SMS: variants seen among roughly 807,000 people sequenced by gnomAD.
SMS encodes spermine synthase.
In SMS, 3 loss-of-function variants were observed where a neutral mutation model predicts 33.0. That is an observed-to-expected ratio of 0.09 (90% confidence interval 0.04 to 0.23). The LOEUF is 0.23. Ranked by LOEUF, SMS falls within the 10% of genes least tolerant of loss-of-function variation. The pLI, the probability that SMS is intolerant of heterozygous loss-of-function variation, is 1.00. For synonymous variants in SMS, 103 were observed against 112.2 expected, an observed-to-expected ratio of 0.92 and a Z score of 0.52; for missense variants, 117 against 288.6, an observed-to-expected ratio of 0.41 and a Z score of 4.31.
intron 8 of SMS, 130 bp downstream of exon 8, chrX:21,984,548 T>G: frequency 4.0e-6 from 2 of 505,480 alleles, no homozygotes; most frequent in East Asian, 3.8e-5. Flanking sequence ...AGGTCCATGG[T>G]GGAAAGATGA....
chrX:21,972,105 C>T (rs963079178), intron 3 of SMS, 115 bp downstream of exon 3: 3 of 558,279 alleles, frequency 5.4e-6, no homozygotes, highest in African/African-American at 4.6e-5. Flanking sequence ...AAACTTTCCT[C>T]CCTCCACATA....
At position 21,994,718 on chromosome X, in the gene SMS, G is replaced by T; in HGVS notation, c.*367G>T. ...AGGAGTGAACATCGTTGTTTTGCTGGAGGGAAGATCTTGATGGTGTTTCTT... is the reference window on the plus strand; with the variant it reads ...AGGAGTGAACATCGTTGTTTTGCTGTAGGGAAGATCTTGATGGTGTTTCTT... On this transcript the variant is annotated 3_prime_UTR_variant, in exon 11 of 11. Transcript: ENST00000404933. The T allele has an allele frequency of 1.3e-6, 1 of 785,233 alleles. No individual in the cohort carries two copies. The highest frequency in any genetic ancestry group is 1.5e-6 in the Non-Finnish European group (1 of 659,813). 64.7% of individuals were successfully genotyped at this position (785,233 alleles called of 1,213,427 possible).
At chrX:21,965,348 G>C (rs1307559831) in intron 1 of SMS, among the ~76,000 whole-genome samples, 1 of 110,936 alleles carries the variant, frequency 9.0e-6, no homozygotes. Flanking sequence ...TAAAAAGTCT[G>C]TGCAGGGACT....
intron 1 of SMS, among the ~76,000 whole-genome samples, chrX:21,941,899 A>AAAAAG (rs1921827606): frequency 1.2e-5 from 1 of 80,145 alleles, no homozygotes; most frequent in Non-Finnish European, 2.3e-5. Context: ...AAAAAAAAAA[A>AAAAAG]AAAAAAAAAA....
intron 1 of SMS, among the ~76,000 whole-genome samples, chrX:21,948,456 T>TTTTTTA (rs1922386343): frequency 1.9e-5 from 2 of 104,992 alleles, no homozygotes; most frequent in African/African-American, 7.0e-5. Flanking sequence ...TTTTTTTTTT[T>TTTTTTA]AAGAAAGTCA....
rs1237383279 is a variant in SMS at position 21,975,275 on chromosome X, T to C, written c.330-1786T>C. Among the ~76,000 whole-genome samples the C allele has an allele frequency of 2.7e-5, 3 of 111,346 alleles. No individual in the cohort carries two copies. The Admixed American group carries it at 2.9e-4, about 11-fold the overall frequency. On this transcript the variant is annotated intron_variant, in intron 4 of 10. Coordinates refer to ENST00000404933, the MANE Select transcript of SMS (RefSeq NM_004595.5). ...CTTTAATGCTAGGTTGAGCACTTCA[T>C]CAGGGTAATGGCATTTACATCCTGT...
At chrX:21,979,044 C>A in intron 7 of SMS, 78 bp downstream of exon 7, 1 of 701,420 alleles carries the variant, frequency 1.4e-6, no homozygotes, top group Non-Finnish European at 2.3e-6. Flanking sequence ...CTTATTAAAA[C>A]AGCTTTTAGT....
intron 9 of SMS, among the ~76,000 whole-genome samples, chrX:21,987,823 T>A (rs1042673214): frequency 8.9e-6 from 1 of 112,500 alleles, no homozygotes; most frequent in African/African-American, 3.2e-5. Flanking sequence ...TGTTGTCTAC[T>A]ACAGCCGAGT....
At chrX:21,943,006 AT>A (rs932822124) in intron 1 of SMS, among the ~76,000 whole-genome samples, 1 of 108,463 alleles carries the variant, frequency 9.2e-6, no homozygotes, top group African/African-American at 3.4e-5. Context: ...CGCCCAGCTA[AT>A]TTTTTTTGTT....
Position 21,985,914 on chromosome X carries a change from T to G in SMS, c.945+691T>G, listed in dbSNP as rs767312547. Among the ~76,000 whole-genome samples the G allele has an allele frequency of 4.5e-5, 5 of 111,184 alleles. No individual in the cohort carries two copies. The East Asian group carries it at 1.4e-3, about 31-fold the overall frequency. On this transcript the variant is annotated intron_variant, in intron 9 of 10. Coordinates refer to ENST00000404933, the MANE Select transcript of SMS (RefSeq NM_004595.5). ...TGGTGCATGCCTGTAGTCCTAACTC[T>G]GGAGGCTGAGGTGGGAGGATTGTTT... is the stretch of plus-strand genomic sequence containing the variant.
chrX:21,988,377 T>G (rs73635589), intron 9 of SMS, among the ~76,000 whole-genome samples: 1,273 of 110,433 alleles, frequency 0.012, 15 homozygotes, highest in African/African-American at 0.04. Flanking sequence ...AGAACTGGAG[T>G]CAGGTTGGCC....
At chrX:21,971,344 A>T in intron 2 of SMS, among the ~76,000 whole-genome samples, 1 of 101,819 alleles carries the variant, frequency 9.8e-6, no homozygotes, top group East Asian at 2.9e-4. Context: ...TCACATTTTT[A>T]AAAATCTTTA....
chrX:21,988,508 AC>A (rs1925515005), intron 9 of SMS, among the ~76,000 whole-genome samples: 1 of 108,916 alleles, frequency 9.2e-6, no homozygotes, highest in African/African-American at 3.3e-5. Flanking sequence ...TACTAAAAAT[AC>A]AAAAAATTAG....
chrX:21,962,430 T>C (rs1298398549), intron 1 of SMS, among the ~76,000 whole-genome samples: 2 of 112,031 alleles, frequency 1.8e-5, no homozygotes, highest in African/African-American at 6.5e-5. Context: ...TGTTGAGCAT[T>C]TTCTATAACT....
intron 1 of SMS, chrX:21,941,496 C>G (rs996784382): frequency 3.8e-5 from 5 of 131,776 alleles, no homozygotes; most frequent in African/African-American, 6.5e-5. Context: ...CGGAAAGGAA[C>G]TGGGGGACGG....
At chrX:21,971,186 C>A (rs893910565) in intron 2 of SMS, among the ~76,000 whole-genome samples, 1 of 108,052 alleles carries the variant, frequency 9.3e-6, no homozygotes, top group African/African-American at 3.4e-5. Context: ...AGACAGAGTG[C>A]GACTCCATCT....
intron 1 of SMS, among the ~76,000 whole-genome samples, chrX:21,950,586 T>A (rs1922539043): frequency 9.2e-6 from 1 of 109,031 alleles, no homozygotes; most frequent in Non-Finnish European, 1.9e-5. Flanking sequence ...CCTAATGCTC[T>A]CCCTCCCCTT....
chrX:21,964,546 C>T (rs894052507), intron 1 of SMS, among the ~76,000 whole-genome samples: 11 of 111,336 alleles, frequency 9.9e-5, no homozygotes, highest in African/African-American at 3.6e-4. Flanking sequence ...GTTCTTAGGG[C>T]TGTCTGAAGT....
chrX:21,943,833 A>C lies in SMS; in HGVS notation c.49+2960A>C, dbSNP rs140196333. The stretch of plus-strand genomic sequence containing the variant: ...TGGGATCTAAGTTCACTTAGTTTTT[A>C]GTAAGGGGAACTTGGTGAAAAATCG... On this transcript the variant is annotated intron_variant, in intron 1 of 10. Transcript: ENST00000404933. Among the ~76,000 whole-genome samples, 683 of 111,809 alleles carry C rather than the reference A, an allele frequency of 6.1e-3. 2 individuals are homozygous for C. The highest frequency in any genetic ancestry group is 0.021 in the African/African-American group (643 of 30,704).
Sources: allele counts gnomAD v4.1 joint callset (sites outside exome capture counted in the v4.1 genomes callset), GRCh38; gene constraint gnomAD v4.1.1; transcripts MANE v1.5; gene names NCBI Gene and HGNC (gene_info 2026-07-23, HGNC 2026-07-21).